The following DNMT3B variants were observed in gnomAD, a reference collection of about 807,000 sequenced individuals.
The protein encoded by DNMT3B is DNA (cytosine-5)-methyltransferase 3B.
A neutral mutation model predicts 120.2 loss-of-function variants in DNMT3B; 37 were observed. That is an observed-to-expected ratio of 0.31 (90% CI 0.24 to 0.40). The LOEUF (loss-of-function observed/expected upper bound fraction) is 0.40. DNMT3B is among the 10% of genes least tolerant of loss of function. The pLI, the probability that DNMT3B is intolerant of heterozygous loss-of-function variation, is 1.00. For missense variants in DNMT3B, 878 were observed against 1,137.3 expected (o/e 0.77, Z 3.28); for synonymous variants, 412 against 442.8 (o/e 0.93, Z 0.87).
In DNMT3B at chr20:32,807,791, A is replaced by ACATGGGC; in HGVS notation, c.2451_2452insATGGGCC (p.Val818MetfsTer38). 6.2e-7 allele frequency: 1 copy of ACATGGGC among 1,614,156 alleles called. No homozygotes were observed. ...TTTGGCTTTCCTGTGCACTACACAG[A>ACATGGGC]CGTGTCCAACATGGGCCGTGGTGCC... On this transcript the variant is annotated frameshift_variant, in exon 23 of 23. Transcript: ENST00000328111. LOFTEE classifies it high-confidence loss of function.
chr20:32,779,838 C>T, intron 1 of DNMT3B: 1 of 577,696 alleles, frequency 1.7e-6, no homozygotes. Context: ...GGAAGAGGAC[C>T]TGGAGATTGA....
chr20:32,801,694 C>A (rs959898321), intron 19 of DNMT3B, among the ~76,000 whole-genome samples: 6 of 152,294 alleles, frequency 3.9e-5, no homozygotes, highest in African/African-American at 1.2e-4. Context: ...AGGCAATCCT[C>A]CTACCTCAGC....
At position 32,796,820 on chromosome 20, in the gene DNMT3B, C is replaced by T. The variant is rs530689863; in HGVS notation, c.1328C>T (p.Pro443Leu). ...DGCLSCGRKN[P>L]VSFHPLFEGG... is the part of the protein sequence containing the mutation. ...TGTTTGTCTTGTGGCAGGAAAAACC[C>T]CGTGTCCTTCCACCCTCTCTTTGAG... The change falls in exon 13 of 23, where the codon CCC becomes CTC. Residue 443 changes from proline (P) to leucine (L), a missense_variant. By Grantham distance (98) the Pro-to-Leu change is moderately conservative. This residue lies in a region of DNMT3B where 207 missense variants were observed against 222.6 expected (regional missense o/e 0.93). Coordinates refer to ENST00000328111, the MANE Select transcript of DNMT3B (RefSeq NM_006892.4). The T allele has an allele frequency of 6.2e-6, 10 of 1,614,192 alleles. 1 individual carries two copies. In the East Asian group the frequency reaches 8.9e-5, roughly 14 times the overall value.
At chr20:32,784,690 G>A in intron 3 of DNMT3B, 68 bp from the exon 4 acceptor site, 6 of 1,549,548 alleles carry the variant, frequency 3.9e-6, no homozygotes, top group South Asian at 1.1e-5. Context: ...CATATTGCAG[G>A]TGCCTTGTTT....
rs1445397054 is a variant in DNMT3B, at chr20:32,796,662, T to A, written c.1298-128T>A. ...GTGGTAGAAGCTGTGAGGCATGGCCTGAGGTGCAAAGAGTCCTTGGCAAGC... is the reference window on the plus strand; with the variant it reads ...GTGGTAGAAGCTGTGAGGCATGGCCAGAGGTGCAAAGAGTCCTTGGCAAGC... On this transcript the variant is annotated intron_variant, in intron 12 of 22. Coordinates refer to ENST00000328111, the MANE Select transcript of DNMT3B (RefSeq NM_006892.4). 5.2e-6 allele frequency: 5 copies of A among 956,912 alleles called. No homozygotes were observed. The African/African-American group carries it at 8.0e-5, about 15-fold the overall frequency. The allele number at this position is 956,912 out of a possible 1,614,324, so 59.3% of individuals were successfully genotyped here. A position where few individuals can be genotyped will look rare whatever the true frequency, so the allele number is the denominator to read the frequency against.
chr20:32,772,377 C>T (rs1240967346), intron 1 of DNMT3B, among the ~76,000 whole-genome samples: 3 of 150,306 alleles, frequency 2.0e-5, no homozygotes, highest in African/African-American at 4.9e-5. Context: ...AGATTTAAGG[C>T]GTTCTTAGTT....
intron 1 of DNMT3B, among the ~76,000 whole-genome samples, chr20:32,777,275 G>A (rs2145888713): frequency 6.6e-6 from 1 of 152,212 alleles, no homozygotes; most frequent in South Asian, 2.1e-4. Context: ...ATGGGTTTTG[G>A]AAGGTGTGCT....
At chr20:32,765,755 T>TTC (rs1440706423) in intron 1 of DNMT3B, among the ~76,000 whole-genome samples, 2 of 115,520 alleles carry the variant, frequency 1.7e-5, no homozygotes, top group African/African-American at 4.5e-5. Context: ...TTTTTCTTTT[T>TTC]TTCTTTTTTT....
chr20:32,783,497 T>A (rs1978873598), intron 3 of DNMT3B, among the ~76,000 whole-genome samples: 1 of 152,012 alleles, frequency 6.6e-6, no homozygotes, highest in Non-Finnish European at 1.5e-5. Context: ...GGGTTGGTTT[T>A]GCTCAGAGCC....
At chr20:32,795,295 CT>C in intron 10 of DNMT3B, 113 bp from the exon 11 acceptor site, 4 of 1,539,886 alleles carry the variant, frequency 2.6e-6, no homozygotes, top group Admixed American at 1.7e-5. Context: ...TGTGGACCCC[CT>C]GTCATGCCCC....
Position 32,806,265 on chromosome 20 carries a change from C to A in DNMT3B, c.2358C>A (p.Asn786Lys), listed in dbSNP as rs868828837. Residue 786 changes from asparagine to lysine, a missense_variant, in exon 22 of 23, where the codon AAC (asparagine) becomes AAA (lysine). Asn to Lys is a moderately conservative substitution (Grantham distance 94, BLOSUM62 0). This residue lies in a region of DNMT3B where 334 missense variants were observed against 518.8 expected (regional missense o/e 0.64). Coordinates refer to ENST00000328111, the MANE Select transcript of DNMT3B (RefSeq NM_006892.4). Reference sequence around the variant, plus strand: ...CGAACTCGATCAAACAGGGGAAAAACCAACTTTTCCCTGTTGTCATGAATG... The same window carrying A: ...CGAACTCGATCAAACAGGGGAAAAAACAACTTTTCCCTGTTGTCATGAATG... The part of the protein sequence containing the change: ...TKSNSIKQGK[N>K]QLFPVVMNGK... The A allele has an allele frequency of 1.1e-5, 18 of 1,614,044 alleles. No individual in the cohort carries two copies. The Admixed American group carries it at 1.2e-4, about 10-fold the overall frequency.
intron 3 of DNMT3B, among the ~76,000 whole-genome samples, chr20:32,783,188 A>G (rs1978835579): frequency 6.6e-6 from 1 of 152,118 alleles, no homozygotes; most frequent in African/African-American, 2.4e-5. Context: ...CGGCCTCCCA[A>G]AGTGCTGGGA....
At chr20:32,775,117 C>T (rs1024530538) in intron 1 of DNMT3B, among the ~76,000 whole-genome samples, 5 of 152,294 alleles carry the variant, frequency 3.3e-5, no homozygotes, top group Non-Finnish European at 5.9e-5. Flanking sequence ...CTCAGCCTCC[C>T]GAAGTGCTGG....
chr20:32,807,318 G>T (rs1982079903), intron 22 of DNMT3B, among the ~76,000 whole-genome samples: 1 of 152,136 alleles, frequency 6.6e-6, no homozygotes, highest in African/African-American at 2.4e-5. Flanking sequence ...ATCTAGCATG[G>T]TCCTTCATCC....
At chr20:32,793,399 C>T in intron 9 of DNMT3B, 137 bp from the exon 10 acceptor site, 1 of 960,564 alleles carries the variant, frequency 1.0e-6, no homozygotes. Flanking sequence ...GCCCAGGAGG[C>T]AGAGGTTGCA....
chr20:32,805,852 TCTTG>T (rs1209658760), intron 21 of DNMT3B, among the ~76,000 whole-genome samples: 3 of 151,456 alleles, frequency 2.0e-5, no homozygotes, highest in Non-Finnish European at 2.9e-5. Context: ...TTTTACTTAA[TCTTG>T]CTTGATCAGG....
At chr20:32,768,001 G>A (rs1835160502) in intron 1 of DNMT3B, among the ~76,000 whole-genome samples, 1 of 152,130 alleles carries the variant, frequency 6.6e-6, no homozygotes, top group African/African-American at 2.4e-5. Flanking sequence ...TAGGGCGTTT[G>A]CTGCAGCCAG....
intron 3 of DNMT3B, among the ~76,000 whole-genome samples, chr20:32,783,509 G>A (rs1978876082): frequency 6.6e-6 from 1 of 151,626 alleles, no homozygotes; most frequent in African/African-American, 2.4e-5. Flanking sequence ...CTCAGAGCCA[G>A]TATCAGTCAT....
At position 32,762,481 on chromosome 20, in the gene DNMT3B, C is replaced by A; in HGVS notation, c.-225C>A. On this transcript the variant is annotated 5_prime_UTR_variant, in exon 1 of 23. Coordinates refer to ENST00000328111, the MANE Select transcript of DNMT3B (RefSeq NM_006892.4). Reference sequence around the variant, plus strand: ...CCCGCGTGGACGCTCCGAGCGCCCCCCGACGGACGGGACCGGCTCCCTGGC... The same window carrying A: ...CCCGCGTGGACGCTCCGAGCGCCCCACGACGGACGGGACCGGCTCCCTGGC... 1 of 201,960 alleles carries A rather than the reference C, an allele frequency of 5.0e-6. No homozygotes were observed. The highest frequency in any genetic ancestry group is 6.0e-5 in the South Asian group (1 of 16,690). 12.5% of individuals were successfully genotyped at this position (201,960 alleles called of 1,614,324 possible).
Sources: allele counts gnomAD v4.1 joint callset (sites outside exome capture counted in the v4.1 genomes callset), GRCh38; gene constraint gnomAD v4.1.1; regional missense constraint gnomAD v4.1.1; transcripts MANE v1.5; gene names NCBI Gene and HGNC (gene_info 2026-07-23, HGNC 2026-07-21).